FBXW10: variants seen among roughly 807,000 people sequenced by gnomAD.
The protein encoded by FBXW10 is F-box and WD repeat domain containing 10.
In FBXW10, 68 loss-of-function variants were observed where a neutral mutation model predicts 113.1. The ratio of observed to expected loss-of-function variants is 0.60; its 90% CI spans 0.49 to 0.74. The LOEUF is 0.74. Among genes scored for constraint, FBXW10 ranks in the 30% least tolerant of loss-of-function variants. The pLI, the probability that FBXW10 is intolerant of heterozygous loss-of-function variation, is 0.00. For missense variants in FBXW10, 753 were observed against 1,284.5 expected, an observed-to-expected ratio of 0.59 and a Z score of 6.32; for synonymous variants, 289 against 481.6, an observed-to-expected ratio of 0.60 and a Z score of 5.24.
Position 18,766,726 on chromosome 17 carries a change from A to T in FBXW10, c.1568A>T (p.Asp523Val). 6.2e-7 allele frequency: 1 copy of T among 1,613,734 alleles called. No homozygotes were observed. Among genetic ancestry groups the T allele is most frequent in the Non-Finnish European group, 8.5e-7 (1 of 1,179,748 alleles). ...CCCTCCTGTTCAGTATGGGATGTAG[A>T]CACAGGGAAGTGCCTGAAGACGTTT... ...RDCQVKVWDVDTGKCLKTFRH... is the reference protein window; with the variant it reads ...RDCQVKVWDVVTGKCLKTFRH... Residue 523 changes from aspartate (D) to valine (V), a missense_variant, in exon 9 of 14, where the codon GAC becomes GTC. Transcript: ENST00000395665.
intron 13 of FBXW10, among the ~76,000 whole-genome samples, chr17:18,777,785 C>T (rs1324927389): frequency 2.0e-5 from 3 of 150,940 alleles, no homozygotes; most frequent in African/African-American, 7.3e-5. Context: ...CCTCGTGATC[C>T]ACCCTCCTGG....
At chr17:18,768,026 T>TCTTTCTTCCTTCCTTCCTTCCTTCCTTC (rs1478170058) in intron 9 of FBXW10, among the ~76,000 whole-genome samples, 1 of 135,680 alleles carries the variant, frequency 7.4e-6, no homozygotes, top group African/African-American at 2.8e-5. Context: ...TTCCTTCCTT[T>TCTTTCTTCCTTCCTTCCTTCCTTCCTTC]CTTCCTTCCT....
intron 7 of FBXW10, among the ~76,000 whole-genome samples, chr17:18,764,311 C>T (rs1198182089): frequency 1.3e-5 from 2 of 150,768 alleles, no homozygotes; most frequent in Non-Finnish European, 2.9e-5. Flanking sequence ...AAGCAATTCT[C>T]CTGCCTCAGC....
intron 6 of FBXW10, among the ~76,000 whole-genome samples, chr17:18,757,285 G>A (rs1357017854): frequency 6.6e-6 from 1 of 152,134 alleles, no homozygotes; most frequent in African/African-American, 2.4e-5. Flanking sequence ...CTGGGCTCAA[G>A]CGATTCTCCT....
In FBXW10 at chr17:18,750,914, T is replaced by C. The variant is rs2035154193; in HGVS notation, c.1000-17T>C. ...TTCTGTTTTTATTTTTATTTTTTAT[T>C]TTTTGTCTTTTTCCAGGGGTCCTAC... On this transcript the variant is annotated splice_polypyrimidine_tract_variant and intron_variant, in intron 4 of 13. Coordinates refer to ENST00000395665, the MANE Select transcript of FBXW10 (RefSeq NM_001267585.2). 1.9e-6 allele frequency: 3 copies of C among 1,606,712 alleles called. No homozygotes were observed. The highest frequency in any genetic ancestry group is 1.7e-6 in the Non-Finnish European group (2 of 1,177,212).
chr17:18,777,745 G>C (rs1388324373), intron 13 of FBXW10, among the ~76,000 whole-genome samples: 1 of 151,004 alleles, frequency 6.6e-6, no homozygotes, highest in Non-Finnish European at 1.5e-5. Flanking sequence ...GGGTTTCACC[G>C]TGTTAGCCAG....
intron 7 of FBXW10, among the ~76,000 whole-genome samples, chr17:18,763,442 C>T (rs2035425774): frequency 6.6e-6 from 1 of 152,074 alleles, no homozygotes; most frequent in African/African-American, 2.4e-5. Context: ...AGGTGTGAGC[C>T]ACCGTGCCCG....
intron 2 of FBXW10, among the ~76,000 whole-genome samples, chr17:18,749,416 G>A (rs571868490): frequency 3.2e-4 from 48 of 152,036 alleles, no homozygotes; most frequent in South Asian, 8.3e-4. Context: ...GCGTGGTGGC[G>A]GGCTCCTGTA....
rs147350518 is a variant in FBXW10, at chr17:18,778,878, T to C, written c.2739T>C (p.Ile913=). The C allele has an allele frequency of 6.2e-7, 1 of 1,613,938 alleles. No individual in the cohort carries two copies. Among genetic ancestry groups the C allele is most frequent in the African/African-American group, 1.3e-5 (1 of 75,032 alleles). The change falls in exon 14 of 14, where the codon ATT becomes ATC. Residue 913 remains isoleucine, a synonymous_variant. Coordinates refer to ENST00000395665, the MANE Select transcript of FBXW10 (RefSeq NM_001267585.2). The stretch of plus-strand genomic sequence containing the variant: ...AGTCCACCATACCCCAGCCCATGAT[T>C]ATCCGCTCCAGGTTCTCTGGCAGCT... ...RVQSTIPQPM[I]IRSRFSGSLK...
rs2035532886 is a variant in FBXW10, at chr17:18,768,026, T to TTCCTTCCTTC, written c.1705-508_1705-507insTCCTTCCTTC. 8.3e-3 allele frequency among the ~76,000 whole-genome samples: 1,133 copies of TTCCTTCCTTC among 135,756 alleles called. 23 individuals carry two copies. Among genetic ancestry groups the TTCCTTCCTTC allele is most frequent in the African/African-American group, 0.022 (790 of 35,710 alleles). The allele number at this position is 135,756 out of a possible 152,430, so 89.1% of individuals were successfully genotyped here. ...TTTTCTTTTCCTTCCTTCCTTCCTT[T>TTCCTTCCTTC]CTTCCTTCCTTCCTTCCTTCCTTCC... On this transcript the variant is annotated intron_variant, in intron 9 of 13. Transcript: ENST00000395665.
Position 18,775,196 on chromosome 17 carries a change from A to G in FBXW10, c.2335+4A>G. ...TCAAAATCACCCCGAAGAGATGGTA[A>G]GAAGAGAGTTTATTCTGTTCATAAG... On this transcript the variant is annotated splice_donor_region_variant and intron_variant, in intron 13 of 13. Coordinates refer to ENST00000395665, the MANE Select transcript of FBXW10 (RefSeq NM_001267585.2). 6.3e-7 allele frequency: 1 copy of G among 1,597,504 alleles called. No individual in the cohort carries two copies. Among genetic ancestry groups the G allele is most frequent in the Non-Finnish European group, 8.6e-7 (1 of 1,164,818 alleles).
At chr17:18,749,396 A>C (rs2151790270) in intron 2 of FBXW10, among the ~76,000 whole-genome samples, 1 of 151,268 alleles carries the variant, frequency 6.6e-6, no homozygotes, top group African/African-American at 2.4e-5. Context: ...AAATACAAAA[A>C]ATTAGCCGGG....
At position 18,765,012 on chromosome 17, in the gene FBXW10, C is replaced by T. The variant is rs1597599261; in HGVS notation, c.1555+149C>T. On this transcript the variant is annotated intron_variant, in intron 8 of 13. Coordinates refer to ENST00000395665, the MANE Select transcript of FBXW10 (RefSeq NM_001267585.2). ...CCACCCACCCACCCATCCTTCCTTCCTTCCATCTATCAATCAATCCATCCA... is the reference window on the plus strand; with the variant it reads ...CCACCCACCCACCCATCCTTCCTTCTTTCCATCTATCAATCAATCCATCCA... 9.7e-6 allele frequency: 15 copies of T among 1,547,910 alleles called. No individual in the cohort carries two copies. In the East Asian group the frequency reaches 3.4e-4, roughly 35 times the overall value.
chr17:18,755,278 C>A (rs954564689), intron 5 of FBXW10, among the ~76,000 whole-genome samples: 3 of 144,906 alleles, frequency 2.1e-5, no homozygotes, highest in Non-Finnish European at 4.5e-5. Flanking sequence ...AAATTGCGGC[C>A]GGGCCTGGTG....
At chr17:18,748,743 G>T (rs890731166) in intron 2 of FBXW10, among the ~76,000 whole-genome samples, 1 of 152,142 alleles carries the variant, frequency 6.6e-6, no homozygotes, top group African/African-American at 2.4e-5. Flanking sequence ...GTCTTTCTCT[G>T]CTCTGGGCCA....
At chr17:18,752,174 C>T (rs7215492) in intron 5 of FBXW10, among the ~76,000 whole-genome samples, 64,458 of 151,690 alleles carry the variant, frequency 0.42, 13,951 homozygotes, top group Non-Finnish European at 0.46. Context: ...AAGGAGGAGA[C>T]GGGTCGTGTG....
In FBXW10 at chr17:18,772,305, T is replaced by C. The variant is rs1187000796; in HGVS notation, c.2007-107T>C. On this transcript the variant is annotated intron_variant, in intron 11 of 13. Transcript: ENST00000395665. ...ACTACTAGTCTGTTTGGTCATCACCTGGGCACTGTTCCTTTAGTCTAAAGA... is the reference window on the plus strand; with the variant it reads ...ACTACTAGTCTGTTTGGTCATCACCCGGGCACTGTTCCTTTAGTCTAAAGA... 5.6e-6 allele frequency: 6 copies of C among 1,071,512 alleles called. No homozygotes were observed. In the East Asian group the frequency reaches 9.5e-5, roughly 17 times the overall value. The allele number at this position is 1,071,512 out of a possible 1,614,324, so 66.4% of individuals were successfully genotyped here. A position where few individuals can be genotyped will look rare whatever the true frequency, so the allele number is the denominator to read the frequency against.
At position 18,766,716 on chromosome 17, in the gene FBXW10, T is replaced by C; in HGVS notation, c.1558T>C (p.Trp520Arg). Residue 520 changes from tryptophan (W) to arginine (R), a missense_variant and splice_region_variant, in exon 9 of 14, where the codon TGG becomes CGG. Trp to Arg is a moderately radical substitution (Grantham distance 101). Transcript: ENST00000395665. ...SGGRDCQVKV[W>R]DVDTGKCLKT... ...TCCTCTCTCTCCCTCCTGTTCAGTA[T>C]GGGATGTAGACACAGGGAAGTGCCT... The C allele has an allele frequency of 6.2e-7, 1 of 1,613,774 alleles. No homozygotes were observed. Among genetic ancestry groups the C allele is most frequent in the East Asian group, 2.2e-5 (1 of 44,884 alleles).
At position 18,779,111 on chromosome 17, in the gene FBXW10, A is replaced by G; in HGVS notation, c.2972A>G (p.Lys991Arg). 2 of 1,348,146 alleles carry G rather than the reference A, an allele frequency of 1.5e-6. No homozygotes were observed. Among genetic ancestry groups the G allele is most frequent in the Non-Finnish European group, 1.0e-6 (1 of 959,780 alleles). 83.5% of individuals were successfully genotyped at this position (1,348,146 alleles called of 1,614,324 possible). Residue 991 changes from lysine to arginine, a missense_variant, in exon 14 of 14, where the codon AAG (lysine) becomes AGG (arginine). Lys to Arg is a conservative substitution (Grantham distance 26). Transcript: ENST00000395665. ...VNTEFVLLTV[K>R]EEKEHQEAKM... Reference sequence around the variant, plus strand: ...ACTGAGTTCGTGCTGTTGACCGTGAAGGAGGAGAAGGAGCACCAGGAAGCC... The same window carrying G: ...ACTGAGTTCGTGCTGTTGACCGTGAGGGAGGAGAAGGAGCACCAGGAAGCC...
Sources: gnomAD v4.1 joint callset for allele counts (sites outside exome capture counted in the v4.1 genomes callset) on GRCh38, gnomAD v4.1.1 for gene constraint, MANE v1.5 for transcripts, NCBI Gene and HGNC (gene_info 2026-07-23, HGNC 2026-07-21) for gene names.